Variants in PDE6A observed in about 807,000 individuals in gnomAD.
The protein encoded by PDE6A is phosphodiesterase 6A.
A neutral mutation model predicts 106.3 loss-of-function variants in PDE6A; 84 were observed. The observed-to-expected ratio is 0.79, with a 90% CI of 0.66 to 0.95. PDE6A has a LOEUF of 0.95. Among genes scored for constraint, PDE6A ranks in the 40% least tolerant of loss-of-function variants. PDE6A has a pLI of 0.00. For missense variants in PDE6A, 1,052 were observed against 1,084.9 expected, an observed-to-expected ratio of 0.97 and a Z score of 0.43; for synonymous variants, 394 against 386.6, an observed-to-expected ratio of 1.02 and a Z score of -0.23.
chr5:149,884,645 A>G, intron 15 of PDE6A, 66 bp from the exon 16 acceptor site: 2 of 1,441,960 alleles, frequency 1.4e-6, no homozygotes, highest in Non-Finnish European at 2.0e-6. Flanking sequence ...CCCACCTACC[A>G]ATGGCCACCC....
At chr5:149,893,795 T>G (rs1752631088) in intron 13 of PDE6A, among the ~76,000 whole-genome samples, 1 of 152,156 alleles carries the variant, frequency 6.6e-6, no homozygotes, top group Non-Finnish European at 1.5e-5. Context: ...TATATTGGGT[T>G]TGCTTACTCT....
At chr5:149,916,137 C>T (rs1753543693) in intron 5 of PDE6A, among the ~76,000 whole-genome samples, 1 of 152,188 alleles carries the variant, frequency 6.6e-6, no homozygotes, top group Non-Finnish European at 1.5e-5. Flanking sequence ...CATGCCCGGC[C>T]TCATTTCTCT....
In PDE6A at chr5:149,944,518, C is replaced by A. The variant is rs765977242; in HGVS notation, c.156G>T (p.Pro52=). Residue 52 remains proline (P), a synonymous_variant, in exon 1 of 22, where the codon CCG becomes CCT. Coordinates refer to ENST00000255266, the MANE Select transcript of PDE6A (RefSeq NM_000440.3). ...AAVDFSNYHS[P]SSMEESEIIF... ...TGATTTCGCTCTCCTCCATGCTGCTCGGGGAGTGGTAGTTGCTGAAGTCCA... is the reference window on the plus strand; with the variant it reads ...TGATTTCGCTCTCCTCCATGCTGCTAGGGGAGTGGTAGTTGCTGAAGTCCA... The A allele has an allele frequency of 2.5e-6, 4 of 1,614,082 alleles. No individual in the cohort carries two copies. The highest frequency in any genetic ancestry group is 3.4e-6 in the Non-Finnish European group (4 of 1,180,000).
intron 10 of PDE6A, among the ~76,000 whole-genome samples, chr5:149,898,047 G>T (rs1373559180): frequency 6.6e-6 from 1 of 152,138 alleles, no homozygotes; most frequent in Non-Finnish European, 1.5e-5. Flanking sequence ...GTGAAAAATG[G>T]AGTTTCTAGA....
intron 1 of PDE6A, among the ~76,000 whole-genome samples, chr5:149,942,812 T>G (rs1430956480): frequency 6.6e-6 from 1 of 152,002 alleles, no homozygotes; most frequent in South Asian, 2.1e-4. Context: ...GCCAGGTTTA[T>G]GTTTGACTTT....
rs375516599 is a variant in PDE6A at position 149,863,256 on chromosome 5, C to T, written c.2369G>A (p.Arg790His). The T allele has an allele frequency of 5.9e-5, 96 of 1,614,160 alleles. 1 individual carries two copies. In the South Asian group the frequency reaches 7.8e-4, roughly 13 times the overall value. Reference protein sequence around the residue: ...VCTFVYKEFSRFHEEITPMLD... With the variant: ...VCTFVYKEFSHFHEEITPMLD... ...CATTGGGGTGATCTCCTCGTGGAAA[C>T]GGGAGAATTCCTAGAAGAGAGAGTA... The change falls in exon 21 of 22, where the codon CGT (arginine) becomes CAT (histidine). Residue 790 changes from arginine (R) to histidine (H), a missense_variant. This residue lies in a region of PDE6A where 135 missense variants were observed against 153.2 expected (regional missense o/e 0.88). Transcript: ENST00000255266. This position sits in a 1 kb window ranked among gnomAD's most constrained non-coding sequence, Gnocchi z 4.7.
chr5:149,931,197 GT>G, intron 3 of PDE6A, 29 bp from the exon 4 acceptor site: 1 of 1,612,842 alleles, frequency 6.2e-7, no homozygotes, highest in Non-Finnish European at 8.5e-7. Flanking sequence ...ATATTCATAG[GT>G]TTTGAGGTGC....
At chr5:149,907,493 C>T in intron 6 of PDE6A, 115 bp from the exon 7 acceptor site, 1 of 787,988 alleles carries the variant, frequency 1.3e-6, no homozygotes, top group Admixed American at 1.9e-5. Context: ...CACCTGCTTA[C>T]ATTCACTACA....
intron 17 of PDE6A, among the ~76,000 whole-genome samples, chr5:149,874,450 T>G (rs1760668058): frequency 6.6e-6 from 1 of 152,112 alleles, no homozygotes; most frequent in African/African-American, 2.4e-5. Context: ...CAAATGAATG[T>G]GATGCATAGA....
chr5:149,899,604 G>T, intron 8 of PDE6A, 80 bp from the exon 9 acceptor site: 1 of 1,396,744 alleles, frequency 7.2e-7, no homozygotes, highest in Non-Finnish European at 1.0e-6. Context: ...CCTACATCAT[G>T]ACCCTGATTG....
intron 12 of PDE6A, among the ~76,000 whole-genome samples, chr5:149,895,856 T>G (rs1752729537): frequency 6.6e-6 from 1 of 152,142 alleles, no homozygotes; most frequent in Non-Finnish European, 1.5e-5. Flanking sequence ...GTGGTGTGGA[T>G]GTGGTCTGGG....
intron 5 of PDE6A, among the ~76,000 whole-genome samples, chr5:149,920,179 CAAAT>C (rs1168028046): frequency 6.6e-6 from 1 of 151,950 alleles, no homozygotes; most frequent in Admixed American, 6.6e-5. Flanking sequence ...AAAACAAAAA[CAAAT>C]AAAATAAAAT....
chr5:149,913,827 G>A (rs914839923), intron 6 of PDE6A, among the ~76,000 whole-genome samples: 8 of 152,128 alleles, frequency 5.3e-5, no homozygotes, highest in African/African-American at 1.9e-4. Context: ...AAGGTCTACT[G>A]ACCAAAAAAG....
chr5:149,868,037 T>C, intron 18 of PDE6A, 58 bp downstream of exon 18: 1 of 1,532,806 alleles, frequency 6.5e-7, no homozygotes, highest in Non-Finnish European at 9.0e-7. Context: ...CCAAGCCTCA[T>C]GACCTGATGC....
At chr5:149,877,117 A>C (rs1189741358) in intron 17 of PDE6A, among the ~76,000 whole-genome samples, 1 of 152,220 alleles carries the variant, frequency 6.6e-6, no homozygotes, top group Non-Finnish European at 1.5e-5. Flanking sequence ...CCCTAGTGTC[A>C]TGGTCCCTGG....
At chr5:149,920,638 G>C (rs899539035) in intron 5 of PDE6A, among the ~76,000 whole-genome samples, 3 of 152,154 alleles carry the variant, frequency 2.0e-5, no homozygotes, top group Non-Finnish European at 4.4e-5. Context: ...ACATCCCAAG[G>C]AGGTAGCTGC....
At chr5:149,889,416 T>TA (rs1752456561) in intron 13 of PDE6A, among the ~76,000 whole-genome samples, 3 of 151,904 alleles carry the variant, frequency 2.0e-5, no homozygotes, top group Admixed American at 1.3e-4. Flanking sequence ...ACTTTCTGTA[T>TA]TTTTATTTAT....
rs1325472622 is a variant in PDE6A, at chr5:149,910,574, C to T, written c.999-3196G>A. 4.6e-5 allele frequency among the ~76,000 whole-genome samples: 7 copies of T among 152,120 alleles called. 1 individual carries two copies. Among genetic ancestry groups the T allele is most frequent in the African/African-American group, 1.4e-4 (6 of 41,430 alleles). The stretch of plus-strand genomic sequence containing the variant: ...TTTTCACTTCAATGCTGAATCATAG[C>T]ATAATCTCTCTTTAAAATTATTTTA... On this transcript the variant is annotated intron_variant, in intron 6 of 21. Transcript: ENST00000255266.
chr5:149,912,030 T>C (rs1753404313), intron 6 of PDE6A, among the ~76,000 whole-genome samples: 1 of 152,026 alleles, frequency 6.6e-6, no homozygotes, highest in African/African-American at 2.4e-5. Flanking sequence ...TTCAAATAAT[T>C]GATATATTTG....
Sources: allele counts gnomAD v4.1 joint callset (sites outside exome capture counted in the v4.1 genomes callset), GRCh38; gene constraint gnomAD v4.1.1; regional missense constraint gnomAD v4.1.1; non-coding constraint Gnocchi (gnomAD v3.1); transcripts MANE v1.5; gene names NCBI Gene and HGNC (gene_info 2026-07-23, HGNC 2026-07-21).